The following PPP2R2B variants were observed in gnomAD, a reference collection of about 807,000 sequenced individuals.
PPP2R2B encodes the protein protein phosphatase 2 regulatory subunit Bbeta, also known as serine/threonine-protein phosphatase 2A 55 kDa regulatory subunit B beta isoform.
PPP2R2B carries 5 observed loss-of-function variants against 46.0 expected under a neutral mutation model. The ratio of observed to expected loss-of-function variants is 0.11; its 90% CI spans 0.06 to 0.23. The LOEUF (loss-of-function observed/expected upper bound fraction) is 0.23, where lower values mean the gene tolerates loss of function less well. PPP2R2B is among the 10% of genes least tolerant of loss of function. The pLI is 1.00. For missense variants in PPP2R2B, 367 were observed against 575.0 expected (o/e 0.64, Z 3.70); for synonymous variants, 215 against 206.7 (o/e 1.04, Z -0.34).
intron 7 of PPP2R2B, among the ~76,000 whole-genome samples, chr5:146,618,000 G>C (rs534176245): frequency 8.5e-5 from 13 of 152,048 alleles, no homozygotes; most frequent in Non-Finnish European, 1.9e-4. Flanking sequence ...GCCATCTCTT[G>C]CTCAATTCCC....
chr5:146,595,553 C>G (rs1473253191), intron 8 of PPP2R2B, among the ~76,000 whole-genome samples: 2 of 152,160 alleles, frequency 1.3e-5, no homozygotes, highest in Non-Finnish European at 2.9e-5. Context: ...AAGGGAAAAC[C>G]TAGTCTGAAC....
intron 1 of PPP2R2B, among the ~76,000 whole-genome samples, chr5:147,020,582 A>C (rs942922622): frequency 1.3e-5 from 2 of 152,162 alleles, no homozygotes; most frequent in African/African-American, 4.8e-5. Flanking sequence ...TGGAGAAAGA[A>C]AACAAAAAGT....
intron 7 of PPP2R2B, chr5:146,606,915 G>C (rs1048102560): frequency 6.6e-6 from 1 of 152,182 alleles, no homozygotes; most frequent in Non-Finnish European, 1.5e-5. Context: ...GAACGGGCTC[G>C]GAATCATGCG....
chr5:146,895,885 C>A (rs1404698138), intron 1 of PPP2R2B, among the ~76,000 whole-genome samples: 1 of 152,152 alleles, frequency 6.6e-6, no homozygotes, highest in African/African-American at 2.4e-5. Flanking sequence ...ATAATGTGTA[C>A]ATAATTGGAA....
chr5:146,777,157 A>G (rs568860040), intron 2 of PPP2R2B, among the ~76,000 whole-genome samples: 2 of 152,258 alleles, frequency 1.3e-5, no homozygotes, highest in South Asian at 4.2e-4. Context: ...CAGTGACTCA[A>G]ATAGATACTT....
At chr5:146,681,465 C>T (rs1778171267) in intron 5 of PPP2R2B, among the ~76,000 whole-genome samples, 1 of 152,226 alleles carries the variant, frequency 6.6e-6, no homozygotes, top group South Asian at 2.1e-4. Context: ...AGTGAGCTCA[C>T]ACTTCAGAAA....
intron 2 of PPP2R2B, among the ~76,000 whole-genome samples, chr5:146,774,002 T>C (rs1755025282): frequency 6.6e-6 from 1 of 152,200 alleles, no homozygotes; most frequent in South Asian, 2.1e-4. Context: ...AAATAAAATA[T>C]CTTAGTATCC....
At chr5:147,065,986 A>G (rs1341744752) in intron 2 of PPP2R2B, among the ~76,000 whole-genome samples, 2 of 152,044 alleles carry the variant, frequency 1.3e-5, no homozygotes, top group African/African-American at 2.4e-5. Context: ...CTGATCAAGG[A>G]CCCACACCTG....
chr5:147,037,327 T>C (rs1005515130), intron 1 of PPP2R2B, among the ~76,000 whole-genome samples: 1 of 151,974 alleles, frequency 6.6e-6, no homozygotes, highest in Non-Finnish European at 1.5e-5. Context: ...AAAACATAGC[T>C]ACATGTGAGT....
chr5:146,923,439 A>G (rs148927827), intron 1 of PPP2R2B, among the ~76,000 whole-genome samples: 29 of 152,312 alleles, frequency 1.9e-4, no homozygotes, highest in African/African-American at 6.3e-4. Flanking sequence ...GATTCTCCCT[A>G]TGGCAGTCCC....
At chr5:146,766,736 G>A (rs1166342848) in intron 2 of PPP2R2B, among the ~76,000 whole-genome samples, 1 of 152,064 alleles carries the variant, frequency 6.6e-6, no homozygotes, top group South Asian at 2.1e-4. Context: ...CCACAACACC[G>A]TGGGCCCTAC....
At chr5:146,819,980 AG>A (rs1758157966) in intron 2 of PPP2R2B, among the ~76,000 whole-genome samples, 1 of 152,228 alleles carries the variant, frequency 6.6e-6, no homozygotes, top group Non-Finnish European at 1.5e-5. Flanking sequence ...AAAGACAAAT[AG>A]GCACACAATC....
chr5:146,853,402 T>C (rs1760467457), intron 2 of PPP2R2B, among the ~76,000 whole-genome samples: 1 of 152,174 alleles, frequency 6.6e-6, no homozygotes, highest in African/African-American at 2.4e-5. Flanking sequence ...AAAGTTAGAT[T>C]ATGAATAGTA....
intron 1 of PPP2R2B, among the ~76,000 whole-genome samples, chr5:146,906,524 A>G (rs946786495): frequency 2.0e-5 from 3 of 152,072 alleles, no homozygotes; most frequent in Admixed American, 1.3e-4. Flanking sequence ...GTTTCTACAT[A>G]TTGGTCAGAC....
At chr5:146,870,502 G>A (rs1192089494) in intron 2 of PPP2R2B, among the ~76,000 whole-genome samples, 2 of 152,322 alleles carry the variant, frequency 1.3e-5, no homozygotes, top group South Asian at 2.1e-4. Context: ...AACCAACCAT[G>A]CTGGCACCTT....
intron 1 of PPP2R2B, among the ~76,000 whole-genome samples, chr5:146,895,037 C>T (rs1216638204): frequency 6.6e-6 from 1 of 152,144 alleles, no homozygotes; most frequent in Non-Finnish European, 1.5e-5. Flanking sequence ...GAAAGCAAAA[C>T]TAAAAGGACA....
intron 1 of PPP2R2B, among the ~76,000 whole-genome samples, chr5:146,924,095 G>A (rs549760189): frequency 2.6e-5 from 4 of 152,310 alleles, no homozygotes; most frequent in East Asian, 1.9e-4. Flanking sequence ...GAAGGAGGGA[G>A]AGGATCAGGA....
intron 2 of PPP2R2B, among the ~76,000 whole-genome samples, chr5:147,073,053 A>G (rs1035383336): frequency 2.0e-5 from 3 of 152,200 alleles, no homozygotes. Context: ...GAAAGTGTAC[A>G]GTGCTTAATG....
chr5:147,035,693 A>G (rs559451634), intron 1 of PPP2R2B, among the ~76,000 whole-genome samples: 6 of 152,248 alleles, frequency 3.9e-5, no homozygotes, highest in African/African-American at 1.4e-4. Flanking sequence ...AATAGGAGAG[A>G]ATGGAAAGAG....
Sources: allele counts gnomAD v4.1 joint callset (sites outside exome capture counted in the v4.1 genomes callset), GRCh38; gene constraint gnomAD v4.1.1; transcripts MANE v1.5; gene names NCBI Gene and HGNC (gene_info 2026-07-23, HGNC 2026-07-21).